TTC34: variants seen among roughly 807,000 people sequenced by gnomAD.
The protein encoded by TTC34 is tetratricopeptide repeat protein 34.
Under a neutral mutation model 40.7 loss-of-function variants are expected in TTC34, and 44 were observed. The ratio of observed to expected loss-of-function variants is 1.08; its 90% CI spans 0.85 to 1.39. TTC34 has a LOEUF of 1.39. Ranked by LOEUF, TTC34 falls within the 40% of genes most tolerant of loss-of-function variation. The probability of loss-of-function intolerance (pLI) is 0.00; values close to 1 mark genes in which losing one functional copy is unlikely to be tolerated. For synonymous variants in TTC34, 422 were observed against 398.6 expected (o/e 1.06, Z -0.70); for missense variants, 884 against 838.0 (o/e 1.05, Z -0.68).
intron 6 of TTC34, among the ~76,000 whole-genome samples, chr1:2,751,598 G>C (rs1401341963): frequency 1.3e-5 from 1 of 76,768 alleles, no homozygotes; most frequent in African/African-American, 5.5e-5. Context: ...GCCTGCAACA[G>C]CACCCACACC....
chr1:2,753,678 C>A (rs1202932079), intron 6 of TTC34, among the ~76,000 whole-genome samples: 1 of 94,246 alleles, frequency 1.1e-5, no homozygotes. Flanking sequence ...CATCTGAGAG[C>A]CTGGAACAGC....
intron 6 of TTC34, among the ~76,000 whole-genome samples, chr1:2,681,155 C>T (rs1383250411): frequency 2.5e-5 from 3 of 120,340 alleles, no homozygotes; most frequent in Middle Eastern, 4.1e-3. Context: ...CCAAGGTGAG[C>T]ATCTGACAAC....
exon 6 of TTC34, chr1:2,783,669 C>G (rs757508450): frequency 2.2e-5 from 34 of 1,537,360 alleles, no homozygotes; most frequent in Admixed American, 1.8e-4. Context: ...GCACGTTCCC[C>G]GGCTCAGCCC....
intron 6 of TTC34, among the ~76,000 whole-genome samples, chr1:2,748,777 G>A (rs1230497557): frequency 2.4e-5 from 3 of 127,516 alleles, no homozygotes; most frequent in African/African-American, 6.6e-5. Flanking sequence ...GAGAGCATCC[G>A]GCAGCCTGGA....
At chr1:2,786,257 T>G (rs1367280749) in intron 4 of TTC34, among the ~76,000 whole-genome samples, 1 of 152,130 alleles carries the variant, frequency 6.6e-6, no homozygotes, top group Non-Finnish European at 1.5e-5. Context: ...ATCACCCCGA[T>G]CCTCCCCTAC....
intron 8 of TTC34, among the ~76,000 whole-genome samples, chr1:2,642,323 T>C (rs1187197493): frequency 6.6e-6 from 1 of 152,140 alleles, no homozygotes; most frequent in African/African-American, 2.4e-5. Flanking sequence ...CCTCGGTCCC[T>C]CTGGGCCAAG....
In TTC34 at chr1:2,771,410, G is replaced by C. The variant is rs1395952402; in HGVS notation, c.2226+12199C>G. Among the ~76,000 whole-genome samples the C allele has an allele frequency of 2.8e-5, 2 of 71,116 alleles. 1 individual carries two copies. Among genetic ancestry groups the C allele is most frequent in the East Asian group, 9.1e-4 (2 of 2,204 alleles). 46.7% of individuals were successfully genotyped at this position (71,116 alleles called of 152,430 possible). ...CTGGAACAGAACCCCACTCTTCCAG[G>C]TGAGAATCTGACACATAAAACAGCA... On this transcript the variant is annotated intron_variant, in intron 6 of 8. Transcript: ENST00000401095.
At chr1:2,753,116 C>T (rs1641380923) in intron 6 of TTC34, among the ~76,000 whole-genome samples, 5 of 127,528 alleles carry the variant, frequency 3.9e-5, no homozygotes, top group South Asian at 2.6e-4. Flanking sequence ...CATCCGACAG[C>T]CTGGAACAGC....
At chr1:2,761,125 C>G (rs1641672683) in intron 6 of TTC34, among the ~76,000 whole-genome samples, 1 of 54,022 alleles carries the variant, frequency 1.9e-5, no homozygotes, top group Non-Finnish European at 3.0e-5. Context: ...ACATACTCCC[C>G]CAGGTGAGCA....
intron 6 of TTC34, among the ~76,000 whole-genome samples, chr1:2,684,803 G>T (rs1200886931): frequency 1.5e-5 from 2 of 129,972 alleles, no homozygotes; most frequent in Non-Finnish European, 1.6e-5. Flanking sequence ...ACACCCCCAG[G>T]TGAGCATCTG....
chr1:2,683,492 A>G (rs1448926580), intron 6 of TTC34, among the ~76,000 whole-genome samples: 4 of 147,842 alleles, frequency 2.7e-5, no homozygotes, highest in East Asian at 2.0e-4. Context: ...AGCATCTGAC[A>G]GCCTGGAACG....
intron 6 of TTC34, among the ~76,000 whole-genome samples, chr1:2,767,583 A>C (rs1423494465): frequency 1.6e-5 from 2 of 123,812 alleles, no homozygotes; most frequent in Non-Finnish European, 3.3e-5. Context: ...AGCATCTGAC[A>C]GTCTGGAACA....
At chr1:2,699,557 T>C (rs1428473945) in intron 6 of TTC34, among the ~76,000 whole-genome samples, 4 of 143,150 alleles carry the variant, frequency 2.8e-5, no homozygotes, top group African/African-American at 1.0e-4. Flanking sequence ...TCTGACAGCC[T>C]GGAGCAGCAC....
chr1:2,751,317 GAACA>G (rs1641311409), intron 6 of TTC34, among the ~76,000 whole-genome samples: 1 of 118,630 alleles, frequency 8.4e-6, no homozygotes, highest in Admixed American at 8.5e-5. Flanking sequence ...CCGTGGAGCA[GAACA>G]AACACCCCCA....
chr1:2,638,342 C>T (rs1638830548), exon 9 of TTC34: 1 of 152,174 alleles, frequency 6.6e-6, no homozygotes. Context: ...GATGCAGGTA[C>T]ACTTACTAGA....
intron 8 of TTC34, 81 bp from the exon 9 acceptor site, chr1:2,641,976 C>T: frequency 7.3e-7 from 1 of 1,372,454 alleles, no homozygotes; most frequent in Non-Finnish European, 9.5e-7. Flanking sequence ...CAGAGGTCCT[C>T]TGCACAGCCA....
At chr1:2,644,200 G>A (rs987309160) in intron 8 of TTC34, 64 bp downstream of exon 8, 2 of 1,449,228 alleles carry the variant, frequency 1.4e-6, no homozygotes, top group African/African-American at 1.4e-5. Context: ...TGGTGGGCCC[G>A]GGGGTCTCAT....
chr1:2,688,049 C>A (rs563630375), intron 6 of TTC34, among the ~76,000 whole-genome samples: 1 of 142,562 alleles, frequency 7.0e-6, no homozygotes, highest in African/African-American at 2.7e-5. Context: ...ACCCACACCC[C>A]CAGGTAAGCA....
chr1:2,688,345 G>A (rs149643032), intron 6 of TTC34, among the ~76,000 whole-genome samples: 77 of 44,332 alleles, frequency 1.7e-3, no homozygotes, highest in African/African-American at 8.3e-3. Flanking sequence ...GGTGAGCATC[G>A]GACAGCCTGG....
Sources: allele counts gnomAD v4.1 joint callset (sites outside exome capture counted in the v4.1 genomes callset), GRCh38; gene constraint gnomAD v4.1.1; transcripts MANE v1.5; gene names NCBI Gene and HGNC (gene_info 2026-07-23, HGNC 2026-07-21).